EFCAB13: variants seen among roughly 807,000 people sequenced by gnomAD.
EFCAB13 encodes EF-hand calcium binding domain 13, also known as EF-hand calcium-binding domain-containing protein 13.
EFCAB13 carries 91 observed loss-of-function variants against 110.2 expected under a neutral mutation model. The observed-to-expected ratio is 0.83, with a 90% CI of 0.70 to 0.98. The LOEUF (loss-of-function observed/expected upper bound fraction) is 0.98. Ranked by LOEUF, EFCAB13 falls within the 50% of genes least tolerant of loss-of-function variation. EFCAB13 has a pLI of 0.00. For missense variants in EFCAB13, 968 were observed against 1,119.4 expected, an observed-to-expected ratio of 0.86 and a Z score of 1.93; for synonymous variants, 323 against 369.9, an observed-to-expected ratio of 0.87 and a Z score of 1.45.
intron 11 of EFCAB13, among the ~76,000 whole-genome samples, chr17:47,374,255 A>G (rs2143359785): frequency 6.6e-6 from 1 of 152,254 alleles, no homozygotes; most frequent in East Asian, 1.9e-4. Context: ...ATAGCTTTGG[A>G]TGGGAATATG....
intron 9 of EFCAB13, among the ~76,000 whole-genome samples, chr17:47,350,525 A>C (rs529121151): frequency 6.6e-6 from 1 of 152,086 alleles, no homozygotes; most frequent in East Asian, 1.9e-4. Flanking sequence ...CAAGAACCAC[A>C]TACTCGTTAG....
intron 9 of EFCAB13, among the ~76,000 whole-genome samples, chr17:47,357,055 T>G (rs1044225279): frequency 6.6e-6 from 1 of 152,116 alleles, no homozygotes; most frequent in Non-Finnish European, 1.5e-5. Flanking sequence ...CAGCCCACAG[T>G]CTGAAAGACT....
intron 10 of EFCAB13, among the ~76,000 whole-genome samples, chr17:47,369,094 G>T (rs907460677): frequency 6.6e-6 from 1 of 152,182 alleles, no homozygotes. Flanking sequence ...TCATGAGCTG[G>T]TGAAAAATGG....
chr17:47,394,356 A>G (rs1479580730), intron 16 of EFCAB13, among the ~76,000 whole-genome samples: 2 of 152,212 alleles, frequency 1.3e-5, no homozygotes, highest in African/African-American at 4.8e-5. Flanking sequence ...ATAGAGGGCT[A>G]GAACCATGTA....
chr17:47,366,512 C>A (rs1293949882), intron 10 of EFCAB13, among the ~76,000 whole-genome samples: 2 of 152,102 alleles, frequency 1.3e-5, no homozygotes, highest in Admixed American at 6.5e-5. Context: ...TAATTAGGAT[C>A]ATTTTTTTCC....
In EFCAB13 at chr17:47,374,920, C is replaced by A. The variant is rs2143362569; in HGVS notation, c.1326C>A (p.Leu442=). 6.3e-7 allele frequency: 1 copy of A among 1,593,634 alleles called. No individual in the cohort carries two copies. The highest frequency in any genetic ancestry group is 2.2e-5 in the East Asian group (1 of 44,670). ...QKPAVRKHSS[L]QKQVSSTEKT... The stretch of plus-strand genomic sequence containing the variant: ...CAGCTGTAAGAAAGCATTCCAGTCT[C>A]CAAAAACAGGTTTCGTCTACGGAAA... The change falls in exon 12 of 25, where the codon CTC becomes CTA. Residue 442 remains leucine (L), a synonymous_variant. Transcript: ENST00000331493.
chr17:47,432,130 G>C (rs77454872), intron 24 of EFCAB13, among the ~76,000 whole-genome samples: 304 of 151,568 alleles, frequency 2.0e-3, no homozygotes, highest in African/African-American at 6.9e-3. Context: ...GGCCAGGTGC[G>C]GTGGCTCATG....
chr17:47,395,862 C>T lies in EFCAB13; in HGVS notation c.1830C>T (p.Asp610=), dbSNP rs773801136. 5.0e-6 allele frequency: 8 copies of T among 1,607,920 alleles called. No individual in the cohort carries two copies. The highest frequency in any genetic ancestry group is 2.7e-5 in the African/African-American group (2 of 74,770). The change falls in exon 17 of 25, where the codon GAC becomes GAT. Residue 610 remains aspartate, a synonymous_variant. Coordinates refer to ENST00000331493, the MANE Select transcript of EFCAB13 (RefSeq NM_152347.5). ...TGCCTGATGCTATTGAAACCCTCGACGATCTCAGAAAGGAGACGATGAGTG... is the reference window on the plus strand; with the variant it reads ...TGCCTGATGCTATTGAAACCCTCGATGATCTCAGAAAGGAGACGATGAGTG... ...LVLPDAIETL[D]DLRKETMSVS...
rs764275457 is a variant in EFCAB13 at position 47,404,588 on chromosome 17, T to G, written c.2188T>G (p.Cys730Gly). The G allele has an allele frequency of 6.2e-7, 1 of 1,612,772 alleles. No homozygotes were observed. Among genetic ancestry groups the G allele is most frequent in the African/African-American group, 1.3e-5 (1 of 74,872 alleles). Reference protein sequence around the residue: ...SEDNMVNIKDCMRALRDTQKF... With the variant: ...SEDNMVNIKDGMRALRDTQKF... ...AGATAACATGGTGAACATTAAAGAC[T>G]GTATGAGGGCTTTGAGGGACACCCA... Residue 730 changes from cysteine to glycine, a missense_variant, in exon 20 of 25, where the codon TGT (cysteine) becomes GGT (glycine). Cys to Gly is a radical substitution (Grantham distance 159, BLOSUM62 -3). Coordinates refer to ENST00000331493, the MANE Select transcript of EFCAB13 (RefSeq NM_152347.5).
chr17:47,333,536 C>T (rs1040466773), intron 4 of EFCAB13, among the ~76,000 whole-genome samples: 1 of 152,036 alleles, frequency 6.6e-6, no homozygotes, highest in African/African-American at 2.4e-5. Flanking sequence ...AGAGCTTTTC[C>T]CCTATCTTCT....
intron 17 of EFCAB13, 164 bp downstream of exon 17, chr17:47,396,141 G>A (rs540655634): frequency 1.1e-4 from 51 of 479,916 alleles, no homozygotes; most frequent in Non-Finnish European, 1.6e-4. Flanking sequence ...AGTTCAGATT[G>A]TTTGGCTATT....
intron 9 of EFCAB13, among the ~76,000 whole-genome samples, chr17:47,359,745 A>G (rs1478618528): frequency 6.7e-6 from 1 of 149,096 alleles, no homozygotes; most frequent in Admixed American, 6.7e-5. Flanking sequence ...ATTTAGCATT[A>G]GGTATATCTC....
chr17:47,392,111 G>A (rs1037936222), intron 15 of EFCAB13, among the ~76,000 whole-genome samples: 8 of 152,024 alleles, frequency 5.3e-5, no homozygotes, highest in African/African-American at 1.7e-4. Flanking sequence ...AATTGTTGAC[G>A]CTAGAGATAG....
At chr17:47,408,585 G>A (rs1266487094) in intron 20 of EFCAB13, among the ~76,000 whole-genome samples, 2 of 152,216 alleles carry the variant, frequency 1.3e-5, no homozygotes, top group African/African-American at 4.8e-5. Flanking sequence ...CCAGGGGGCA[G>A]AGGTTACAGT....
intron 23 of EFCAB13, among the ~76,000 whole-genome samples, chr17:47,415,597 G>A (rs908478188): frequency 6.6e-6 from 1 of 152,124 alleles, no homozygotes; most frequent in African/African-American, 2.4e-5. Flanking sequence ...AGGTAGTTAG[G>A]TTTTTCTTCA....
chr17:47,358,700 T>C (rs974405891), intron 9 of EFCAB13, among the ~76,000 whole-genome samples: 2 of 152,190 alleles, frequency 1.3e-5, no homozygotes, highest in African/African-American at 4.8e-5. Context: ...TTATGTCTTC[T>C]GAGTTTTGAG....
intron 24 of EFCAB13, among the ~76,000 whole-genome samples, chr17:47,440,097 T>C (rs896044169): frequency 3.9e-5 from 6 of 152,182 alleles, no homozygotes; most frequent in Non-Finnish European, 8.8e-5. Flanking sequence ...AAGGGTTTTA[T>C]GCATGGGAAT....
chr17:47,373,431 C>A (rs1034532051), intron 11 of EFCAB13, among the ~76,000 whole-genome samples: 5 of 152,046 alleles, frequency 3.3e-5, no homozygotes, highest in Admixed American at 6.6e-5. Flanking sequence ...TCTGTATCTT[C>A]ATTTCTTTGG....
chr17:47,330,280 A>AT (rs1045362736), intron 4 of EFCAB13, among the ~76,000 whole-genome samples: 3 of 151,226 alleles, frequency 2.0e-5, no homozygotes, highest in African/African-American at 7.3e-5. Flanking sequence ...TTGTTATTTT[A>AT]TTTTTTGTAG....
Sources: allele counts gnomAD v4.1 joint callset (sites outside exome capture counted in the v4.1 genomes callset), GRCh38; gene constraint gnomAD v4.1.1; transcripts MANE v1.5; gene names NCBI Gene and HGNC (gene_info 2026-07-23, HGNC 2026-07-21).